NUMB: variants seen among roughly 807,000 people sequenced by gnomAD.
NUMB encodes NUMB endocytic adaptor protein, also known as protein numb homolog.
NUMB carries 29 observed loss-of-function variants against 59.7 expected under a neutral mutation model. That is an observed-to-expected ratio of 0.49 (90% CI 0.36 to 0.66). NUMB has a LOEUF of 0.66. Among genes scored for constraint, NUMB ranks in the 30% least tolerant of loss-of-function variants. The probability of loss-of-function intolerance (pLI) is 0.00; values close to 1 mark genes in which losing one functional copy is unlikely to be tolerated. For missense variants in NUMB, 723 were observed against 822.0 expected, an observed-to-expected ratio of 0.88 and a Z score of 1.47; for synonymous variants, 288 against 288.2, an observed-to-expected ratio of 1.00 and a Z score of 0.01.
intron 6 of NUMB, among the ~76,000 whole-genome samples, chr14:73,302,478 C>T (rs1176866551): frequency 6.8e-6 from 1 of 146,962 alleles, no homozygotes; most frequent in African/African-American, 2.5e-5. Context: ...GCAATTTAGT[C>T]TCACTGCAAC....
At chr14:73,287,910 C>T (rs1170001555) in intron 8 of NUMB, among the ~76,000 whole-genome samples, 2 of 152,148 alleles carry the variant, frequency 1.3e-5, no homozygotes, top group African/African-American at 4.8e-5. Context: ...CCCTGGCCAA[C>T]AGCTTAGAAG....
intron 6 of NUMB, among the ~76,000 whole-genome samples, chr14:73,312,810 G>T (rs966432702): frequency 6.6e-6 from 1 of 150,528 alleles, no homozygotes; most frequent in Admixed American, 6.6e-5. Flanking sequence ...TTCTTTTTAC[G>T]TTAAAAAAAA....
At chr14:73,309,682 C>A (rs1237243896) in intron 6 of NUMB, among the ~76,000 whole-genome samples, 2 of 149,182 alleles carry the variant, frequency 1.3e-5, no homozygotes, top group Non-Finnish European at 3.0e-5. Context: ...ATGTAACAAA[C>A]CTGCATGTTC....
At chr14:73,450,404 T>C (rs1883837468) in intron 1 of NUMB, among the ~76,000 whole-genome samples, 1 of 152,214 alleles carries the variant, frequency 6.6e-6, no homozygotes, top group Admixed American at 6.5e-5. Context: ...TTTCATAACA[T>C]GGCAGTCACA....
chr14:73,277,875 T>C (rs1888288874), intron 12 of NUMB, among the ~76,000 whole-genome samples: 1 of 151,932 alleles, frequency 6.6e-6, no homozygotes, highest in South Asian at 2.1e-4. Flanking sequence ...CTGGCCAACA[T>C]GGTGAAACCC....
chr14:73,332,015 C>T (rs12436598), intron 4 of NUMB, among the ~76,000 whole-genome samples: 121,727 of 152,100 alleles, frequency 0.8, 49,273 homozygotes, highest in African/African-American at 0.92. Context: ...AGGGTTATGA[C>T]TTATGAAGTC....
At chr14:73,440,827 C>CAA (rs397713746) in intron 1 of NUMB, among the ~76,000 whole-genome samples, 659 of 45,910 alleles carry the variant, frequency 0.014, 14 homozygotes, top group African/African-American at 0.021. Context: ...GACTCCGTCT[C>CAA]AAAAAAAAAA....
At chr14:73,293,993 C>G (rs905503235) in intron 7 of NUMB, among the ~76,000 whole-genome samples, 3 of 152,084 alleles carry the variant, frequency 2.0e-5, no homozygotes, top group Non-Finnish European at 4.4e-5. Context: ...GAAGTTAGGT[C>G]TTTATTGATT....
At chr14:73,319,668 T>C (rs1891292851) in intron 5 of NUMB, among the ~76,000 whole-genome samples, 1 of 152,134 alleles carries the variant, frequency 6.6e-6, no homozygotes, top group African/African-American at 2.4e-5. Flanking sequence ...TTTAGATGAA[T>C]GTTTGCTCAG....
At chr14:73,411,553 A>T (rs1173315761) in intron 1 of NUMB, among the ~76,000 whole-genome samples, 1 of 152,232 alleles carries the variant, frequency 6.6e-6, no homozygotes, top group African/African-American at 2.4e-5. Flanking sequence ...TTAAAACACT[A>T]TAAAACTCAG....
intron 6 of NUMB, among the ~76,000 whole-genome samples, chr14:73,302,405 C>CTTTTTT (rs71112726): frequency 8.7e-6 from 1 of 115,056 alleles, no homozygotes. Context: ...TTCCACATTT[C>CTTTTTT]TTTTTTTTTT....
intron 3 of NUMB, 76 bp downstream of exon 3, chr14:73,366,821 C>A (rs1049370375): frequency 1.3e-5 from 2 of 152,140 alleles, no homozygotes; most frequent in Admixed American, 1.3e-4. Flanking sequence ...AATACTAACA[C>A]AACTTATCAC....
At chr14:73,360,105 G>A (rs887651609) in intron 3 of NUMB, among the ~76,000 whole-genome samples, 13 of 152,318 alleles carry the variant, frequency 8.5e-5, no homozygotes, top group African/African-American at 3.1e-4. Flanking sequence ...TCATGGCATT[G>A]CTTAATAGTT....
intron 1 of NUMB, among the ~76,000 whole-genome samples, chr14:73,427,071 G>C (rs1207356385): frequency 6.6e-6 from 1 of 152,122 alleles, no homozygotes; most frequent in Non-Finnish European, 1.5e-5. Context: ...GAGCTAGGGT[G>C]GGGGTAGAGT....
At chr14:73,366,821 C>T (rs1049370375) in intron 3 of NUMB, 76 bp downstream of exon 3, 3 of 152,140 alleles carry the variant, frequency 2.0e-5, no homozygotes, top group Non-Finnish European at 4.4e-5. Context: ...AATACTAACA[C>T]AACTTATCAC....
chr14:73,287,264 C>T lies in NUMB; in HGVS notation c.501G>A (p.Glu167=). 7 of 1,613,816 alleles carry T rather than the reference C, an allele frequency of 4.3e-6. No homozygotes were observed. The highest frequency in any genetic ancestry group is 1.1e-5 in the South Asian group (1 of 91,060). The change falls in exon 9 of 13, where the codon GAG becomes GAA. Residue 167 remains glutamate, a synonymous_variant. Coordinates refer to ENST00000555238, the MANE Select transcript of NUMB (RefSeq NM_001005743.2). ...AVGCAFAACL[E]RKQKREKECG... is the part of the protein sequence containing the mutation. ...ATTCCTTCTCCCGCTTCTGCTTGCGCTCTAAACAGGCTGCAAAAGCACAGC... is the reference window on the plus strand; with the variant it reads ...ATTCCTTCTCCCGCTTCTGCTTGCGTTCTAAACAGGCTGCAAAAGCACAGC...
At chr14:73,401,285 A>G (rs989098681) in intron 2 of NUMB, among the ~76,000 whole-genome samples, 3 of 152,152 alleles carry the variant, frequency 2.0e-5, no homozygotes, top group Admixed American at 2.0e-4. Context: ...GAATGTTGAC[A>G]GTAAGAAAGG....
chr14:73,310,225 C>T (rs1418054718), intron 6 of NUMB, among the ~76,000 whole-genome samples: 2 of 151,964 alleles, frequency 1.3e-5, no homozygotes, highest in African/African-American at 4.8e-5. Context: ...GGGATTGTGG[C>T]GAATAGGCAA....
chr14:73,282,159 AAC>A, intron 11 of NUMB, 198 bp downstream of exon 11: 2 of 504,634 alleles, frequency 4.0e-6, no homozygotes, highest in South Asian at 7.3e-5. Flanking sequence ...CAGAATGACA[AAC>A]ACAGACATCT....
Sources: allele counts gnomAD v4.1 joint callset (sites outside exome capture counted in the v4.1 genomes callset), GRCh38; gene constraint gnomAD v4.1.1; transcripts MANE v1.5; gene names NCBI Gene and HGNC (gene_info 2026-07-23, HGNC 2026-07-21).